SSTR2: variants seen among roughly 807,000 people sequenced by gnomAD.
SSTR2 encodes somatostatin receptor 2, also known as somatostatin receptor type 2.
SSTR2 carries 10 observed loss-of-function variants against 21.4 expected under a neutral mutation model. That is an observed-to-expected ratio of 0.47 (90% CI 0.29 to 0.79). The LOEUF is 0.79. Among genes scored for constraint, SSTR2 ranks in the 30% least tolerant of loss-of-function variants. SSTR2 has a pLI of 0.10. For missense variants in SSTR2, 364 were observed against 468.8 expected, an observed-to-expected ratio of 0.78 and a Z score of 2.06; for synonymous variants, 177 against 181.3, an observed-to-expected ratio of 0.98 and a Z score of 0.19.
In SSTR2 at chr17:73,173,141, T is replaced by A. The variant is rs573677809; in HGVS notation, c.*2712T>A. 4 of 151,910 alleles carry A rather than the reference T, an allele frequency of 2.6e-5. No individual in the cohort carries two copies. The highest frequency in any genetic ancestry group is 9.7e-5 in the African/African-American group (4 of 41,408). The allele number at this position is 151,910 out of a possible 1,614,324, so 9.4% of individuals were successfully genotyped here. A position where few individuals can be genotyped will look rare whatever the true frequency, so the allele number is the denominator to read the frequency against. On this transcript the variant is annotated 3_prime_UTR_variant, in exon 2 of 2. Coordinates refer to ENST00000357585, the MANE Select transcript of SSTR2 (RefSeq NM_001050.3). ...ATGGCTTGAACCCAGGAGGTGGAGA[T>A]TGCGGTGAGCTGAGATCGTGCCATT...
chr17:73,174,568 AAAAAGAAAAG>A lies in SSTR2; in HGVS notation c.*4154_*4163del, dbSNP rs1220171235. On this transcript the variant is annotated 3_prime_UTR_variant, in exon 2 of 2. Transcript: ENST00000357585. ...TGGTGAGACCCTGCCCTTAAAAAAA[AAAAAGAAAAG>A]AAAAGAAAAGAAAAAAAGATTCATA... is the stretch of plus-strand genomic sequence containing the variant. 3 of 152,054 alleles carry A rather than the reference AAAAAGAAAAG, an allele frequency of 2.0e-5. No homozygotes were observed. The highest frequency in any genetic ancestry group is 1.9e-4 in the East Asian group (1 of 5,200). 9.4% of individuals were successfully genotyped at this position (152,054 alleles called of 1,614,324 possible). A position where few individuals can be genotyped will look rare whatever the true frequency, so the allele number is the denominator to read the frequency against.
In SSTR2 at chr17:73,169,560, T is replaced by C; in HGVS notation, c.241T>C (p.Tyr81His). The part of the protein sequence containing the change: ...YAKMKTITNI[Y>H]ILNLAIADEL... Reference sequence around the variant, plus strand: ...CAAGATGAAGACCATCACCAACATTTACATCCTCAACCTGGCCATCGCAGA... The same window carrying C: ...CAAGATGAAGACCATCACCAACATTCACATCCTCAACCTGGCCATCGCAGA... Residue 81 changes from tyrosine (Y) to histidine (H), a missense_variant, in exon 2 of 2, where the codon TAC becomes CAC. This residue lies in a region of SSTR2 where 25 missense variants were observed against 66.4 expected (regional missense o/e 0.38). Transcript: ENST00000357585. This position sits in a 1 kb window ranked among gnomAD's most constrained non-coding sequence, Gnocchi z 5.2. 6.2e-7 allele frequency: 1 copy of C among 1,614,280 alleles called. No homozygotes were observed. Among genetic ancestry groups the C allele is most frequent in the Non-Finnish European group, 8.5e-7 (1 of 1,180,046 alleles).
chr17:73,170,651 C>T lies in SSTR2; in HGVS notation c.*222C>T, dbSNP rs1283641600. The T allele has an allele frequency of 2.8e-6, 2 of 702,610 alleles. No individual in the cohort carries two copies. The allele number at this position is 702,610 out of a possible 1,614,324, so 43.5% of individuals were successfully genotyped here. ...CCCCCTTAAAGCGAACACTGAAATG[C>T]AGGTAGACAATTCAAAGTCTGGAGA... On this transcript the variant is annotated 3_prime_UTR_variant, in exon 2 of 2. Transcript: ENST00000357585.
At position 73,174,442 on chromosome 17, in the gene SSTR2, CG is replaced by C. The variant is rs1451620774; in HGVS notation, c.*4016del. The stretch of plus-strand genomic sequence containing the variant: ...CAATGGACTGTTAAAATGCATGTTC[CG>C]GGCTGGGGATGGTGGCTCACACCTG... On this transcript the variant is annotated 3_prime_UTR_variant, in exon 2 of 2. Transcript: ENST00000357585. The C allele has an allele frequency of 2.6e-5, 4 of 151,766 alleles. No homozygotes were observed. The highest frequency in any genetic ancestry group is 9.7e-5 in the African/African-American group (4 of 41,416). The allele number at this position is 151,766 out of a possible 1,614,324, so 9.4% of individuals were successfully genotyped here.
chr17:73,167,110 G>A (rs552323181), intron 1 of SSTR2, among the ~76,000 whole-genome samples: 21 of 152,300 alleles, frequency 1.4e-4, no homozygotes, highest in Admixed American at 3.3e-4. Context: ...TGGCTCTGTA[G>A]AATTAAACCA....
Position 73,170,120 on chromosome 17 carries a change from C to A in SSTR2, c.801C>A (p.Phe267Leu). The A allele has an allele frequency of 6.2e-7, 1 of 1,614,220 alleles. No individual in the cohort carries two copies. The highest frequency in any genetic ancestry group is 8.5e-7 in the Non-Finnish European group (1 of 1,180,046). The change falls in exon 2 of 2, where the codon TTC (phenylalanine) becomes TTA (leucine). Residue 267 changes from phenylalanine (F) to leucine (L), a missense_variant. Around this residue, in one of 4 missense-constraint regions of SSTR2, gnomAD observed 193 missense variants for 273.1 expected, o/e 0.71. Coordinates refer to ENST00000357585, the MANE Select transcript of SSTR2 (RefSeq NM_001050.3). The part of the protein sequence containing the change: ...MVSIVVAVFI[F>L]CWLPFYIFNV... ...CCATCGTGGTGGCTGTCTTCATCTT[C>A]TGCTGGCTTCCCTTCTACATATTCA... is the stretch of plus-strand genomic sequence containing the variant.
Position 73,169,580 on chromosome 17 carries a change from C to T in SSTR2, c.261C>T (p.Ile87=), listed in dbSNP as rs34848546. ...ACATTTACATCCTCAACCTGGCCATCGCAGATGAGCTCTTCATGCTGGGTC... is the reference window on the plus strand; with the variant it reads ...ACATTTACATCCTCAACCTGGCCATTGCAGATGAGCTCTTCATGCTGGGTC... ...ITNIYILNLA[I]ADELFMLGLP... The change falls in exon 2 of 2, where the codon ATC becomes ATT. Residue 87 remains isoleucine, a synonymous_variant. Transcript: ENST00000357585. This position sits in a 1 kb window ranked among gnomAD's most constrained non-coding sequence, Gnocchi z 5.2. 249 of 1,614,286 alleles carry T rather than the reference C, an allele frequency of 1.5e-4. No homozygotes were observed. The highest frequency in any genetic ancestry group is 1.9e-4 in the Non-Finnish European group (220 of 1,180,054).
chr17:73,166,192 C>G (rs552036119), intron 1 of SSTR2, among the ~76,000 whole-genome samples: 2 of 152,366 alleles, frequency 1.3e-5, no homozygotes, highest in African/African-American at 4.8e-5. Flanking sequence ...CCGGCTTTTC[C>G]CAGGCGCTCA....
chr17:73,165,951 C>CCA (rs1568284996), intron 1 of SSTR2, among the ~76,000 whole-genome samples: 1 of 151,674 alleles, frequency 6.6e-6, no homozygotes, highest in African/African-American at 2.4e-5. Flanking sequence ...CGCCCCCCCC[C>CCA]CACACCCGGC....
In SSTR2 at chr17:73,174,213, G is replaced by A. The variant is rs1039762648; in HGVS notation, c.*3784G>A. ...GCAGAGGGACACTGGAGAATAAAAT[G>A]GCATGCAGAGAGGAACACGCGGGCC... On this transcript the variant is annotated 3_prime_UTR_variant, in exon 2 of 2. Coordinates refer to ENST00000357585, the MANE Select transcript of SSTR2 (RefSeq NM_001050.3). 16 of 152,062 alleles carry A rather than the reference G, an allele frequency of 1.1e-4. No homozygotes were observed. The highest frequency in any genetic ancestry group is 3.4e-4 in the African/African-American group (14 of 41,390). The allele number at this position is 152,062 out of a possible 1,614,324, so 9.4% of individuals were successfully genotyped here.
intron 1 of SSTR2, chr17:73,168,128 G>C (rs1201330746): frequency 6.6e-6 from 1 of 152,256 alleles, no homozygotes; most frequent in African/African-American, 2.4e-5. Flanking sequence ...ATGTGCAAGA[G>C]AATGGGGTGA....
In SSTR2 at chr17:73,165,223, G is replaced by C. The variant is rs1049163095; in HGVS notation, c.-158G>C. 5 of 152,370 alleles carry C rather than the reference G, an allele frequency of 3.3e-5. No individual in the cohort carries two copies. The highest frequency in any genetic ancestry group is 3.9e-4 in the East Asian group (2 of 5,194). 9.4% of individuals were successfully genotyped at this position (152,370 alleles called of 1,614,324 possible). On this transcript the variant is annotated 5_prime_UTR_variant, in exon 1 of 2. Coordinates refer to ENST00000357585, the MANE Select transcript of SSTR2 (RefSeq NM_001050.3). Reference sequence around the variant, plus strand: ...AAGCTGCTGCGCGCCCCGGCGCCCAGCTGGCTCGGGGACAGCCGCTGGGTG... The same window carrying C: ...AAGCTGCTGCGCGCCCCGGCGCCCACCTGGCTCGGGGACAGCCGCTGGGTG...
chr17:73,170,111 C>G lies in SSTR2; in HGVS notation c.792C>G (p.Val264=), dbSNP rs929098196. ...VTRMVSIVVA[V]FIFCWLPFYI... is the part of the protein sequence containing the mutation. ...GAATGGTGTCCATCGTGGTGGCTGT[C>G]TTCATCTTCTGCTGGCTTCCCTTCT... Residue 264 remains valine (V), a synonymous_variant, in exon 2 of 2, where the codon GTC becomes GTG. Transcript: ENST00000357585. 4 of 1,614,168 alleles carry G rather than the reference C, an allele frequency of 2.5e-6. No homozygotes were observed. In the African/African-American group the frequency reaches 5.3e-5, roughly 22 times the overall value.
At chr17:73,165,947 C>CCCA (rs1555721656) in intron 1 of SSTR2, among the ~76,000 whole-genome samples, 1 of 151,518 alleles carries the variant, frequency 6.6e-6, no homozygotes, top group African/African-American at 2.4e-5. Context: ...TCAGCGCCCC[C>CCCA]CCCCCACACC....
chr17:73,172,278 GA>G lies in SSTR2; in HGVS notation c.*1850del, dbSNP rs1359350412. 6.6e-6 allele frequency: 1 copy of G among 152,166 alleles called. No homozygotes were observed. The highest frequency in any genetic ancestry group is 2.4e-5 in the African/African-American group (1 of 41,436). The allele number at this position is 152,166 out of a possible 1,614,324, so 9.4% of individuals were successfully genotyped here. A position where few individuals can be genotyped will look rare whatever the true frequency, so the allele number is the denominator to read the frequency against. ...AGAGACAATATCCATTTCATTGACTGATCATTTTCTAGAGTATGAAGAAATA... is the reference window on the plus strand; with the variant it reads ...AGAGACAATATCCATTTCATTGACTGTCATTTTCTAGAGTATGAAGAAATA... On this transcript the variant is annotated 3_prime_UTR_variant, in exon 2 of 2. Transcript: ENST00000357585.
At chr17:73,165,945 C>CG (rs1029436742) in intron 1 of SSTR2, among the ~76,000 whole-genome samples, 16 of 151,368 alleles carry the variant, frequency 1.1e-4, no homozygotes, top group African/African-American at 3.2e-4. Flanking sequence ...CCTCAGCGCC[C>CG]CCCCCCCACA....
chr17:73,169,255 G>A lies in SSTR2; in HGVS notation c.-65G>A, dbSNP rs2061225799. ...GTCACACTGGATCCTTGGCCTCCAG[G>A]GTCCATTAAGGTGAGAATAAGATCT... On this transcript the variant is annotated 5_prime_UTR_variant, in exon 2 of 2. Transcript: ENST00000357585. The surrounding 1 kb of genome is among the most constrained non-coding windows in gnomAD (Gnocchi z 5.2). 1.3e-6 allele frequency: 2 copies of A among 1,523,982 alleles called. No individual in the cohort carries two copies. Among genetic ancestry groups the A allele is most frequent in the South Asian group, 1.3e-5 (1 of 77,450 alleles). The allele number at this position is 1,523,982 out of a possible 1,614,324, so 94.4% of individuals were successfully genotyped here. A position where few individuals can be genotyped will look rare whatever the true frequency, so the allele number is the denominator to read the frequency against.
At position 73,173,771 on chromosome 17, in the gene SSTR2, C is replaced by T. The variant is rs374526695; in HGVS notation, c.*3342C>T. 3.3e-4 allele frequency: 51 copies of T among 152,250 alleles called. No individual in the cohort carries two copies. The highest frequency in any genetic ancestry group is 1.2e-3 in the African/African-American group (50 of 41,552). 9.4% of individuals were successfully genotyped at this position (152,250 alleles called of 1,614,324 possible). A position where few individuals can be genotyped will look rare whatever the true frequency, so the allele number is the denominator to read the frequency against. On this transcript the variant is annotated 3_prime_UTR_variant, in exon 2 of 2. Coordinates refer to ENST00000357585, the MANE Select transcript of SSTR2 (RefSeq NM_001050.3). Reference sequence around the variant, plus strand: ...GGGAAAAATAATATGATATTGTGGCCTATGTTGAATGATGTTAGCTTGTGT... The same window carrying T: ...GGGAAAAATAATATGATATTGTGGCTTATGTTGAATGATGTTAGCTTGTGT...
Position 73,173,410 on chromosome 17 carries a change from TAC to T in SSTR2, c.*2985_*2986del, listed in dbSNP as rs1190670882. The T allele has an allele frequency of 6.6e-6, 1 of 152,214 alleles. No individual in the cohort carries two copies. The highest frequency in any genetic ancestry group is 1.5e-5 in the Non-Finnish European group (1 of 68,032). 9.4% of individuals were successfully genotyped at this position (152,214 alleles called of 1,614,324 possible). Reference sequence around the variant, plus strand: ...ATCTGATGCTATAATTCCATCCAAATACACAGTTAGGTTTCTACCATAGGGAA... The same window carrying T: ...ATCTGATGCTATAATTCCATCCAAATACAGTTAGGTTTCTACCATAGGGAA... On this transcript the variant is annotated 3_prime_UTR_variant, in exon 2 of 2. Transcript: ENST00000357585.
Sources: gnomAD v4.1 joint callset for allele counts (sites outside exome capture counted in the v4.1 genomes callset) on GRCh38, gnomAD v4.1.1 for gene constraint, gnomAD v4.1.1 regional missense constraint, Gnocchi (gnomAD v3.1) non-coding constraint, MANE v1.5 for transcripts, NCBI Gene and HGNC (gene_info 2026-07-23, HGNC 2026-07-21) for gene names.